The following KCNJ6 variants were observed in gnomAD, a reference collection of about 807,000 sequenced individuals.
The protein encoded by KCNJ6 is G protein-activated inward rectifier potassium channel 2.
A neutral mutation model predicts 34.2 loss-of-function variants in KCNJ6; 9 were observed. That is an observed-to-expected ratio of 0.26 (90% CI 0.16 to 0.46). The LOEUF (loss-of-function observed/expected upper bound fraction) is 0.46. Among genes scored for constraint, KCNJ6 ranks in the 20% least tolerant of loss-of-function variants. The pLI is 1.00. For synonymous variants in KCNJ6, 196 were observed against 207.1 expected, an observed-to-expected ratio of 0.95 and a Z score of 0.46; for missense variants, 236 against 531.3, an observed-to-expected ratio of 0.44 and a Z score of 5.46.
chr21:37,713,919 A>G (rs1006753363), intron 3 of KCNJ6, among the ~76,000 whole-genome samples: 4 of 152,214 alleles, frequency 2.6e-5, no homozygotes, highest in African/African-American at 9.6e-5. Flanking sequence ...TGCTTTAGAG[A>G]CAGATCAGAG....
At chr21:37,889,303 C>A (rs2055750519) in intron 1 of KCNJ6, among the ~76,000 whole-genome samples, 1 of 152,214 alleles carries the variant, frequency 6.6e-6, no homozygotes, top group Non-Finnish European at 1.5e-5. Flanking sequence ...ATTGTCTCAA[C>A]AGGCAGAAGA....
At chr21:37,741,639 C>A (rs2054941689) in intron 2 of KCNJ6, among the ~76,000 whole-genome samples, 1 of 152,192 alleles carries the variant, frequency 6.6e-6, no homozygotes, top group Non-Finnish European at 1.5e-5. Flanking sequence ...ATCCTCATCA[C>A]CTGATGATTG....
At chr21:37,760,401 C>T (rs1369113144) in intron 2 of KCNJ6, among the ~76,000 whole-genome samples, 1 of 152,218 alleles carries the variant, frequency 6.6e-6, no homozygotes, top group Non-Finnish European at 1.5e-5. Context: ...CCAGAGTCCA[C>T]ACCCCTGAGC....
chr21:37,897,625 C>T (rs753584524), intron 1 of KCNJ6, among the ~76,000 whole-genome samples: 1 of 152,194 alleles, frequency 6.6e-6, no homozygotes, highest in Non-Finnish European at 1.5e-5. Flanking sequence ...TGGGATTGTA[C>T]TCCATTGTCA....
chr21:37,756,640 TCC>T lies in KCNJ6; in HGVS notation c.26-41511_26-41510del, dbSNP rs1491471458. 4.4e-3 allele frequency among the ~76,000 whole-genome samples: 662 copies of T among 149,850 alleles called. 7 individuals are homozygous for T. Among genetic ancestry groups the T allele is most frequent in the Middle Eastern group, 0.014 (4 of 292 alleles). On this transcript the variant is annotated intron_variant, in intron 2 of 3. Coordinates refer to ENST00000609713, the MANE Select transcript of KCNJ6 (RefSeq NM_002240.5). ...GATGATTCCAGCCCAGAGTGAGCAC[TCC>T]CTCACAGCGTGATGATTCCAGCCTG...
At chr21:37,716,158 T>C (rs779378691) in intron 2 of KCNJ6, among the ~76,000 whole-genome samples, 2 of 152,208 alleles carry the variant, frequency 1.3e-5, no homozygotes, top group African/African-American at 2.4e-5. Flanking sequence ...CTTTGAACTA[T>C]TGGCCAAATT....
intron 1 of KCNJ6, among the ~76,000 whole-genome samples, chr21:37,856,943 A>T (rs2055568272): frequency 6.6e-6 from 1 of 152,154 alleles, no homozygotes; most frequent in African/African-American, 2.4e-5. Context: ...TGGTAGGAGT[A>T]TCGAATGGTA....
At chr21:37,705,801 G>C (rs900604350) in intron 3 of KCNJ6, among the ~76,000 whole-genome samples, 1 of 152,238 alleles carries the variant, frequency 6.6e-6, no homozygotes, top group Non-Finnish European at 1.5e-5. Flanking sequence ...GCCAGCTGCA[G>C]ATTCATTTCC....
intron 2 of KCNJ6, among the ~76,000 whole-genome samples, chr21:37,792,732 C>A (rs553227427): frequency 8.5e-5 from 13 of 152,244 alleles, no homozygotes; most frequent in African/African-American, 2.9e-4. Flanking sequence ...GGGAGCAGAT[C>A]TCTGTGACGA....
At chr21:37,809,703 G>T (rs1051706299) in intron 2 of KCNJ6, among the ~76,000 whole-genome samples, 1 of 152,178 alleles carries the variant, frequency 6.6e-6, no homozygotes. Context: ...TTCTCCTCCT[G>T]TGGGGACACA....
intron 1 of KCNJ6, among the ~76,000 whole-genome samples, chr21:37,860,405 G>A (rs1215926374): frequency 1.3e-5 from 2 of 152,062 alleles, no homozygotes; most frequent in African/African-American, 2.4e-5. Context: ...CCTGGTCTAC[G>A]CCAGGCAGGT....
chr21:37,829,960 C>T lies in KCNJ6; in HGVS notation c.25+10698G>A, dbSNP rs1287021390. On this transcript the variant is annotated intron_variant, in intron 2 of 3. Transcript: ENST00000609713. ...AAACCTGCTGTTGTGGAAAGAATGA[C>T]ACTCTCGTTCCATGTTCTGGGAGAA... Among the ~76,000 whole-genome samples, 6 of 152,214 alleles carry T rather than the reference C, an allele frequency of 3.9e-5. No individual in the cohort carries two copies. The East Asian group carries it at 1.2e-3, about 29-fold the overall frequency.
chr21:37,817,244 C>T (rs970462591), intron 2 of KCNJ6, among the ~76,000 whole-genome samples: 3 of 152,134 alleles, frequency 2.0e-5, no homozygotes, highest in Non-Finnish European at 4.4e-5. Flanking sequence ...AGCCAGGTGG[C>T]CTGGGTTTGA....
chr21:37,720,390 G>T (rs895714387), intron 2 of KCNJ6, among the ~76,000 whole-genome samples: 2 of 152,088 alleles, frequency 1.3e-5, no homozygotes, highest in African/African-American at 4.8e-5. Context: ...CCTTATTGGG[G>T]GTATGAATTA....
At chr21:37,878,782 C>T (rs960564900) in intron 1 of KCNJ6, among the ~76,000 whole-genome samples, 5 of 151,920 alleles carry the variant, frequency 3.3e-5, no homozygotes, top group Non-Finnish European at 5.9e-5. Flanking sequence ...AAAGGTAGAG[C>T]GGTATGTGGG....
intron 2 of KCNJ6, among the ~76,000 whole-genome samples, chr21:37,739,618 G>T (rs1489634715): frequency 1.3e-5 from 2 of 152,260 alleles, no homozygotes; most frequent in South Asian, 2.1e-4. Context: ...ACTTTAGCCC[G>T]CTGGTTCAAT....
At chr21:37,898,992 A>G (rs1011588375) in intron 1 of KCNJ6, among the ~76,000 whole-genome samples, 1 of 152,258 alleles carries the variant, frequency 6.6e-6, no homozygotes, top group Admixed American at 6.5e-5. Context: ...ACAAGAAAAT[A>G]TTATCCAATG....
Position 37,624,657 on chromosome 21 carries a change from C to T in KCNJ6, c.*502G>A, listed in dbSNP as rs892884279. ...TATGTACAGTGGTTTGTCTTCAGCT[C>T]ACCTGGGCCCTGTAACTGCCACACC... On this transcript the variant is annotated 3_prime_UTR_variant, in exon 4 of 4. Coordinates refer to ENST00000609713, the MANE Select transcript of KCNJ6 (RefSeq NM_002240.5). 3 of 163,426 alleles carry T rather than the reference C, an allele frequency of 1.8e-5. No homozygotes were observed. Among genetic ancestry groups the T allele is most frequent in the African/African-American group, 7.2e-5 (3 of 41,500 alleles). 10.1% of individuals were successfully genotyped at this position (163,426 alleles called of 1,614,324 possible).
intron 3 of KCNJ6, among the ~76,000 whole-genome samples, chr21:37,713,163 ATCACAGGATTAAGTTACTTG>A (rs2054771409): frequency 6.6e-6 from 1 of 152,120 alleles, no homozygotes; most frequent in Admixed American, 6.5e-5. Context: ...CCTAAAAGGG[ATCACAGGATTAAGTTACTTG>A]TCACAGGTTG....
Sources: gnomAD v4.1 joint callset for allele counts (sites outside exome capture counted in the v4.1 genomes callset) on GRCh38, gnomAD v4.1.1 for gene constraint, MANE v1.5 for transcripts, NCBI Gene and HGNC (gene_info 2026-07-23, HGNC 2026-07-21) for gene names.